TRIO: variants seen among roughly 807,000 people sequenced by gnomAD.
TRIO encodes the protein triple functional domain protein.
Under a neutral mutation model 351.9 loss-of-function variants are expected in TRIO, and 58 were observed. That is an observed-to-expected ratio of 0.16 (90% CI 0.13 to 0.21). The LOEUF (loss-of-function observed/expected upper bound fraction) is 0.21, where lower values mean the gene tolerates loss of function less well. Among genes scored for constraint, TRIO ranks in the 10% least tolerant of loss-of-function variants. The pLI is 1.00. For missense variants in TRIO, 3,201 were observed against 4,027.8 expected, an observed-to-expected ratio of 0.79 and a Z score of 5.56; for synonymous variants, 1,758 against 1,595.7, an observed-to-expected ratio of 1.10 and a Z score of -2.42.
At chr5:14,168,340 C>T (rs1056474671) in intron 1 of TRIO, among the ~76,000 whole-genome samples, 10 of 152,158 alleles carry the variant, frequency 6.6e-5, no homozygotes, top group Non-Finnish European at 1.0e-4. Flanking sequence ...AGAAGTTTAC[C>T]CTGAAATCCC....
chr5:14,499,778 G>A (rs1346562103), intron 53 of TRIO, among the ~76,000 whole-genome samples: 6 of 151,956 alleles, frequency 3.9e-5, no homozygotes, highest in Non-Finnish European at 5.9e-5. Context: ...TCAGCTGGGC[G>A]TAGTGGCTCA....
rs1561523517 is a variant in TRIO, at chr5:14,465,580, C to T, written c.5703C>T (p.Ser1901=). The T allele has an allele frequency of 1.9e-6, 3 of 1,614,056 alleles. No homozygotes were observed. The highest frequency in any genetic ancestry group is 1.7e-6 in the Non-Finnish European group (2 of 1,180,012). Residue 1901 remains serine, a synonymous_variant, in exon 37 of 57, where the codon TCC becomes TCT. Transcript: ENST00000344204. ...SSRLLVRPTS[S]ETPSAAELVS... ...GGTTATTAGTCCGCCCCACCAGCTC[C>T]GAAACACCGAGTGCAGCCGAGCTCG...
chr5:14,373,951 T>C (rs1745340362), intron 18 of TRIO, among the ~76,000 whole-genome samples: 1 of 152,280 alleles, frequency 6.6e-6, no homozygotes, highest in South Asian at 2.1e-4. Context: ...GGGCTTCCCT[T>C]CCTCCGTGAC....
At chr5:14,463,036 G>T in intron 36 of TRIO, 111 bp downstream of exon 36, 1 of 1,349,386 alleles carries the variant, frequency 7.4e-7, no homozygotes. Context: ...CCCAAGATGT[G>T]GAAAAGGGCA....
At chr5:14,191,534 T>TA (rs35519870) in intron 1 of TRIO, among the ~76,000 whole-genome samples, 1,389 of 135,216 alleles carry the variant, frequency 0.01, 15 homozygotes, top group African/African-American at 0.031. Context: ...CCTGTTTCTT[T>TA]AAAAAAAAAA....
intron 1 of TRIO, among the ~76,000 whole-genome samples, chr5:14,163,052 G>T (rs576035450): frequency 4.7e-4 from 72 of 152,246 alleles, no homozygotes; most frequent in Non-Finnish European, 7.4e-4. Context: ...GAACGTGCAG[G>T]TTTGTTACAT....
At chr5:14,238,138 C>G (rs1310633157) in intron 1 of TRIO, among the ~76,000 whole-genome samples, 1 of 152,038 alleles carries the variant, frequency 6.6e-6, no homozygotes, top group Non-Finnish European at 1.5e-5. Context: ...TCAGTTCTCT[C>G]GAAACAGTGT....
intron 19 of TRIO, among the ~76,000 whole-genome samples, chr5:14,376,696 T>A (rs989188718): frequency 1.3e-5 from 2 of 152,244 alleles, no homozygotes; most frequent in Non-Finnish European, 2.9e-5. Context: ...TAACCAGCGC[T>A]TCAGTGTTCC....
intron 3 of TRIO, among the ~76,000 whole-genome samples, chr5:14,280,926 C>G (rs1735939485): frequency 6.6e-6 from 1 of 152,158 alleles, no homozygotes; most frequent in African/African-American, 2.4e-5. Flanking sequence ...AATTGAGACT[C>G]CATTGGTAAT....
At chr5:14,352,406 T>G (rs1278758724) in intron 11 of TRIO, among the ~76,000 whole-genome samples, 5 of 152,252 alleles carry the variant, frequency 3.3e-5, no homozygotes, top group African/African-American at 1.2e-4. Context: ...ATTATAAATT[T>G]GCAGCATGCC....
chr5:14,381,658 C>T (rs756144626), intron 21 of TRIO, among the ~76,000 whole-genome samples: 1 of 152,084 alleles, frequency 6.6e-6, no homozygotes. Flanking sequence ...GGTGTTTCAC[C>T]GTCTTTAGAT....
chr5:14,316,650 C>T lies in TRIO; in HGVS notation c.1638C>T (p.His546=), dbSNP rs56310681. Residue 546 remains histidine (H), a synonymous_variant, in exon 9 of 57, where the codon CAC becomes CAT. Coordinates refer to ENST00000344204, the MANE Select transcript of TRIO (RefSeq NM_007118.4). ...TGGATGTCATCCACGAGGTGCTGCA[C>T]CACCAGCGGCAGCTGGAGAACATCT... The part of the protein sequence containing the change: ...HVLDVIHEVL[H]HQRQLENIWQ... 119 of 1,614,218 alleles carry T rather than the reference C, an allele frequency of 7.4e-5. No individual in the cohort carries two copies. Among genetic ancestry groups the T allele is most frequent in the East Asian group, 8.9e-5 (4 of 44,888 alleles).
intron 7 of TRIO, among the ~76,000 whole-genome samples, chr5:14,300,077 T>G (rs539890059): frequency 3.0e-4 from 46 of 152,360 alleles, no homozygotes; most frequent in African/African-American, 1.1e-3. Flanking sequence ...AGTATCCGTT[T>G]GCAAATATGT....
rs117930876 is a variant in TRIO at position 14,432,077 on chromosome 5, G to A, written c.5203+12056G>A. On this transcript the variant is annotated intron_variant, in intron 34 of 56. Transcript: ENST00000344204. ...TCAGCCCATAGCAAGGGGGCCATTG[G>A]AGCCTTAAGAAATTAACAGTAGTAA... Among the ~76,000 whole-genome samples, 117 of 152,294 alleles carry A rather than the reference G, an allele frequency of 7.7e-4. 2 individuals are homozygous for A. The East Asian group carries it at 0.02, about 26-fold the overall frequency.
chr5:14,296,422 C>G (rs958759137), intron 6 of TRIO, among the ~76,000 whole-genome samples: 1 of 152,138 alleles, frequency 6.6e-6, no homozygotes, highest in Non-Finnish European at 1.5e-5. Flanking sequence ...TTTAAAATCC[C>G]TATTTTTGCA....
At chr5:14,488,551 C>G in intron 48 of TRIO, 1 of 522,098 alleles carries the variant, frequency 1.9e-6, no homozygotes, top group Non-Finnish European at 3.4e-6. Context: ...TTGGAACTTT[C>G]TTTTTTAACC....
At chr5:14,376,470 TTCAC>T (rs1745566994) in intron 19 of TRIO, among the ~76,000 whole-genome samples, 1 of 152,218 alleles carries the variant, frequency 6.6e-6, no homozygotes, top group Non-Finnish European at 1.5e-5. Flanking sequence ...AAACATATAT[TTCAC>T]TCACCCATCC....
At chr5:14,275,646 T>C (rs1171651211) in intron 2 of TRIO, among the ~76,000 whole-genome samples, 2 of 151,884 alleles carry the variant, frequency 1.3e-5, no homozygotes, top group East Asian at 3.8e-4. Flanking sequence ...TTTTCCCTTC[T>C]GTTTTCATCT....
At chr5:14,308,391 TTCAG>T (rs1383672225) in intron 8 of TRIO, among the ~76,000 whole-genome samples, 1 of 118,830 alleles carries the variant, frequency 8.4e-6, no homozygotes, top group Non-Finnish European at 1.7e-5. Flanking sequence ...CATCCATCCA[TTCAG>T]TCACCCATCC....
Sources: allele counts gnomAD v4.1 joint callset (sites outside exome capture counted in the v4.1 genomes callset), GRCh38; gene constraint gnomAD v4.1.1; transcripts MANE v1.5; gene names NCBI Gene and HGNC (gene_info 2026-07-23, HGNC 2026-07-21).